GPA33: variants seen among roughly 807,000 people sequenced by gnomAD.
The protein encoded by GPA33 is glycoprotein A33, also known as cell surface A33 antigen.
GPA33 carries 27 observed loss-of-function variants against 35.6 expected under a neutral mutation model. That is an observed-to-expected ratio of 0.76 (90% confidence interval 0.56 to 1.04). The LOEUF is 1.04. Ranked by LOEUF, GPA33 falls within the 50% of genes least tolerant of loss-of-function variation. GPA33 has a pLI of 0.00. For synonymous variants in GPA33, 176 were observed against 164.0 expected, an observed-to-expected ratio of 1.07 and a Z score of -0.56; for missense variants, 428 against 411.9, an observed-to-expected ratio of 1.04 and a Z score of -0.34.
chr1:167,067,382 TTGAGCTACCGCA>T (rs1189907096), intron 3 of GPA33, among the ~76,000 whole-genome samples: 3 of 152,136 alleles, frequency 2.0e-5, no homozygotes, highest in Non-Finnish European at 4.4e-5. Flanking sequence ...GATTACAGGC[TTGAGCTACCGCA>T]CCCGACCCTT....
intron 2 of GPA33, among the ~76,000 whole-genome samples, chr1:167,071,673 G>A (rs1177819716): frequency 6.6e-6 from 1 of 152,160 alleles, no homozygotes; most frequent in East Asian, 1.9e-4. Context: ...TCCCAATTCT[G>A]CTCTTTTCTG....
intron 1 of GPA33, among the ~76,000 whole-genome samples, chr1:167,079,342 A>G (rs1666880479): frequency 6.6e-6 from 1 of 152,098 alleles, no homozygotes; most frequent in South Asian, 2.1e-4. Context: ...AACTACAAAA[A>G]TTAGCCAGGT....
rs1324222344 is a variant in GPA33 at position 167,088,800 on chromosome 1, A to G, written c.43+1445T>C. On this transcript the variant is annotated intron_variant, in intron 1 of 6. Transcript: ENST00000367868. ...TATGTGTTGGGGGTTGGGGTGGTGC[A>G]GGCATGGAGGAGCTTCTGGCTTACC... Among the ~76,000 whole-genome samples, 7 of 152,314 alleles carry G rather than the reference A, an allele frequency of 4.6e-5. No homozygotes were observed. In the East Asian group the frequency reaches 1.2e-3, roughly 25 times the overall value.
intron 4 of GPA33, 56 bp from the exon 5 acceptor site, chr1:167,055,905 C>T (rs770501332): frequency 4.6e-5 from 73 of 1,596,646 alleles, no homozygotes; most frequent in Non-Finnish European, 5.9e-5. Flanking sequence ...GTGGAGACAG[C>T]CAGGAATGGG....
chr1:167,075,448 A>G (rs1474432752), intron 1 of GPA33, among the ~76,000 whole-genome samples: 1 of 152,226 alleles, frequency 6.6e-6, no homozygotes, highest in Non-Finnish European at 1.5e-5. Flanking sequence ...GGAAAACAGG[A>G]GTCAGGAATA....
Position 167,055,802 on chromosome 1 carries a change from C to T in GPA33, c.619G>A (p.Gly207Ser), listed in dbSNP as rs998098988. The T allele has an allele frequency of 7.4e-6, 12 of 1,613,708 alleles. No homozygotes were observed. In the Admixed American group the frequency reaches 1.7e-4, roughly 22 times the overall value. The change falls in exon 5 of 7, where the codon GGT becomes AGT. Residue 207 changes from glycine (G) to serine (S), a missense_variant. Coordinates refer to ENST00000367868, the MANE Select transcript of GPA33 (RefSeq NM_005814.3). ...TTGCTGGAGGTACAGATGTAGTAAC[C>T]CGATGTGTCTGTGGAGATATTCTTC... is the stretch of plus-strand genomic sequence containing the variant. ...SLKNISTDTS[G>S]YYICTSSNEE...
rs376202132 is a variant in GPA33 at position 167,063,589 on chromosome 1, G to T, written c.564C>A (p.Ala188=). The part of the protein sequence containing the change: ...YNILNQEQPL[A]QPASGQPVSL... The stretch of plus-strand genomic sequence containing the variant: ...TCCCTACTGCCCCCTTACCTGGCTG[G>T]GCCAGGGGCTGCTCCTGATTCAGGA... The change falls in exon 4 of 7, where the codon GCC becomes GCA. Residue 188 remains alanine (A), a synonymous_variant. Coordinates refer to ENST00000367868, the MANE Select transcript of GPA33 (RefSeq NM_005814.3). The T allele has an allele frequency of 7.0e-5, 112 of 1,606,130 alleles. No homozygotes were observed. Among genetic ancestry groups the T allele is most frequent in the Non-Finnish European group, 8.3e-5 (98 of 1,175,252 alleles).
At chr1:167,059,233 G>A (rs546849824) in intron 4 of GPA33, among the ~76,000 whole-genome samples, 1 of 152,294 alleles carries the variant, frequency 6.6e-6, no homozygotes, top group Admixed American at 6.5e-5. Flanking sequence ...GACCTTCTTT[G>A]ATTCCGAGTT....
chr1:167,060,948 C>T (rs150927407), intron 4 of GPA33, among the ~76,000 whole-genome samples: 4 of 152,242 alleles, frequency 2.6e-5, no homozygotes, highest in African/African-American at 9.6e-5. Flanking sequence ...GAGGACCCAA[C>T]TCAAATAACA....
intron 2 of GPA33, 139 bp from the exon 3 acceptor site, chr1:167,069,277 G>A (rs539244187): frequency 1.8e-4 from 103 of 587,708 alleles, no homozygotes; most frequent in African/African-American, 6.7e-4. Flanking sequence ...CAAATAGCTC[G>A]CATATGTGCT....
intron 4 of GPA33, chr1:167,058,465 T>A (rs1666362269): frequency 6.6e-6 from 1 of 152,136 alleles, no homozygotes; most frequent in South Asian, 2.1e-4. Flanking sequence ...TTTAATCTCA[T>A]CCAAAGGGCC....
At chr1:167,067,059 T>C (rs1666610698) in intron 3 of GPA33, among the ~76,000 whole-genome samples, 3 of 152,192 alleles carry the variant, frequency 2.0e-5, no homozygotes, top group Non-Finnish European at 2.9e-5. Flanking sequence ...TTTATGTTTA[T>C]ATATGTTTAT....
At chr1:167,069,259 CCT>C in intron 2 of GPA33, 121 bp from the exon 3 acceptor site, 1 of 624,920 alleles carries the variant, frequency 1.6e-6, no homozygotes, top group African/African-American at 1.8e-5. Context: ...CCTGCCAACC[CCT>C]CAGAACAAAT....
intron 1 of GPA33, among the ~76,000 whole-genome samples, chr1:167,080,234 G>A (rs1018967898): frequency 1.3e-5 from 2 of 152,310 alleles, no homozygotes; most frequent in Admixed American, 6.5e-5. Flanking sequence ...TGCTCAAGAA[G>A]AGCATCCATC....
chr1:167,064,748 G>A (rs1301162170), intron 3 of GPA33, among the ~76,000 whole-genome samples: 2 of 152,088 alleles, frequency 1.3e-5, no homozygotes, highest in Non-Finnish European at 2.9e-5. Flanking sequence ...TTCTTTCTGG[G>A]TTCAGCACCA....
In GPA33 at chr1:167,053,589, G is replaced by A. The variant is rs1666160703; in HGVS notation, c.*745C>T. 6.6e-6 allele frequency: 1 copy of A among 152,318 alleles called. No homozygotes were observed. The highest frequency in any genetic ancestry group is 1.5e-5 in the Non-Finnish European group (1 of 68,118). 9.4% of individuals were successfully genotyped at this position (152,318 alleles called of 1,614,324 possible). On this transcript the variant is annotated 3_prime_UTR_variant, in exon 7 of 7. Coordinates refer to ENST00000367868, the MANE Select transcript of GPA33 (RefSeq NM_005814.3). ...GCCTTGTGGCCCATGATTGGACGTG[G>A]GACAGAGTAACAGGATTGTTTCCAC...
chr1:167,054,992 T>C lies in GPA33; in HGVS notation c.811A>G (p.Lys271Glu). The C allele has an allele frequency of 6.2e-7, 1 of 1,614,060 alleles. No individual in the cohort carries two copies. ...CRGKDDNTEDKEDARPNREAY... is the reference protein window; with the variant it reads ...CRGKDDNTEDEEDARPNREAY... The stretch of plus-strand genomic sequence containing the variant: ...GACACTCACGGCCTTGCATCCTCCT[T>C]GTCTTCAGTGTTGTCGTCCTTCCCT... Residue 271 changes from lysine (K) to glutamate (E), a missense_variant, in exon 6 of 7, where the codon AAG (lysine) becomes GAG (glutamate). Transcript: ENST00000367868.
In GPA33 at chr1:167,054,230, G is replaced by C. The variant is rs1558000141; in HGVS notation, c.*104C>G. ...GGAAGAAATGTCCCCATCAATGTCTGGGATGGAGGGACAGGAGAACAGGGC... is the reference window on the plus strand; with the variant it reads ...GGAAGAAATGTCCCCATCAATGTCTCGGATGGAGGGACAGGAGAACAGGGC... On this transcript the variant is annotated 3_prime_UTR_variant, in exon 7 of 7. Transcript: ENST00000367868. 6 of 1,406,068 alleles carry C rather than the reference G, an allele frequency of 4.3e-6. No individual in the cohort carries two copies. The highest frequency in any genetic ancestry group is 2.0e-6 in the Non-Finnish European group (2 of 1,018,220). The allele number at this position is 1,406,068 out of a possible 1,614,324, so 87.1% of individuals were successfully genotyped here.
intron 3 of GPA33, among the ~76,000 whole-genome samples, chr1:167,068,669 C>G (rs2102185667): frequency 6.6e-6 from 1 of 152,290 alleles, no homozygotes; most frequent in East Asian, 1.9e-4. Context: ...GGAAAGGACA[C>G]CGACAGAGCA....
Sources: gnomAD v4.1 joint callset for allele counts (sites outside exome capture counted in the v4.1 genomes callset) on GRCh38, gnomAD v4.1.1 for gene constraint, MANE v1.5 for transcripts, NCBI Gene and HGNC (gene_info 2026-07-23, HGNC 2026-07-21) for gene names.